The following EPHA4 variants were observed in gnomAD, a reference collection of about 807,000 sequenced individuals.
EPHA4 encodes the protein EPH receptor A4.
In EPHA4, 19 loss-of-function variants were observed where a neutral mutation model predicts 108.3. That is an observed-to-expected ratio of 0.18 (90% CI 0.12 to 0.26). The LOEUF is 0.26. Among genes scored for constraint, EPHA4 ranks in the 10% least tolerant of loss-of-function variants. The probability of loss-of-function intolerance (pLI) is 1.00; values close to 1 mark genes in which losing one functional copy is unlikely to be tolerated. For missense variants in EPHA4, 917 were observed against 1,254.0 expected (o/e 0.73, Z 4.06); for synonymous variants, 449 against 455.5 (o/e 0.99, Z 0.18).
At chr2:221,450,225 A>G (rs377450408) in intron 8 of EPHA4, among the ~76,000 whole-genome samples, 1 of 152,246 alleles carries the variant, frequency 6.6e-6, no homozygotes, top group South Asian at 2.1e-4. Context: ...CCTGGCCAAC[A>G]TGGTGAAACC....
chr2:221,430,025 C>T lies in EPHA4; in HGVS notation c.2623G>A (p.Val875Ile). 1.2e-6 allele frequency: 2 copies of T among 1,614,098 alleles called. No homozygotes were observed. The highest frequency in any genetic ancestry group is 1.7e-6 in the Non-Finnish European group (2 of 1,180,016). ...RSDRPKFGQI[V>I]NMLDKLIRNP... ...CGGATGAGTTTGTCCAACATGTTGA[C>T]AATCTGCCCAAATTTAGGCCTGTCG... The change falls in exon 15 of 18, where the codon GTC (valine) becomes ATC (isoleucine). Residue 875 changes from valine to isoleucine, a missense_variant. Coordinates refer to ENST00000281821, the MANE Select transcript of EPHA4 (RefSeq NM_004438.5).
rs1689632510 is a variant in EPHA4, at chr2:221,418,056, T to A, written c.*3316A>T. The A allele has an allele frequency of 6.5e-6, 1 of 152,686 alleles. No homozygotes were observed. The highest frequency in any genetic ancestry group is 1.9e-4 in the East Asian group (1 of 5,200). The allele number at this position is 152,686 out of a possible 1,614,324, so 9.5% of individuals were successfully genotyped here. A position where few individuals can be genotyped will look rare whatever the true frequency, so the allele number is the denominator to read the frequency against. On this transcript the variant is annotated 3_prime_UTR_variant, in exon 18 of 18. Coordinates refer to ENST00000281821, the MANE Select transcript of EPHA4 (RefSeq NM_004438.5). The stretch of plus-strand genomic sequence containing the variant: ...AGGGTTGTATACGGCAACTACTTTA[T>A]TATTTTCAAATGCAAACTCTTTGCA...
At chr2:221,428,538 C>T (rs1010154536) in intron 15 of EPHA4, among the ~76,000 whole-genome samples, 2 of 152,074 alleles carry the variant, frequency 1.3e-5, no homozygotes, top group Non-Finnish European at 2.9e-5. Context: ...AGAAGAAGTA[C>T]CAAACACCAA....
At chr2:221,470,797 C>T (rs1691459481) in intron 5 of EPHA4, among the ~76,000 whole-genome samples, 1 of 152,062 alleles carries the variant, frequency 6.6e-6, no homozygotes, top group South Asian at 2.1e-4. Flanking sequence ...CACAAATGGT[C>T]ACCACATGCT....
chr2:221,467,376 G>A (rs911119157), intron 5 of EPHA4, among the ~76,000 whole-genome samples: 3 of 152,102 alleles, frequency 2.0e-5, no homozygotes, highest in Non-Finnish European at 4.4e-5. Flanking sequence ...ACAAATGTTA[G>A]GAGTATTAAA....
At chr2:221,503,720 T>G (rs1692547221) in intron 3 of EPHA4, among the ~76,000 whole-genome samples, 2 of 152,228 alleles carry the variant, frequency 1.3e-5, no homozygotes, top group African/African-American at 4.8e-5. Context: ...TACAAAATTG[T>G]CATTGTGCTA....
intron 14 of EPHA4, among the ~76,000 whole-genome samples, chr2:221,432,818 A>ATTTTTT (rs34200694): frequency 1.1e-4 from 10 of 89,094 alleles, no homozygotes; most frequent in Non-Finnish European, 1.5e-4. Flanking sequence ...AAATCTTTGT[A>ATTTTTT]TTTTTTTTTT....
At chr2:221,454,059 A>G (rs1403130567) in intron 8 of EPHA4, among the ~76,000 whole-genome samples, 1 of 152,080 alleles carries the variant, frequency 6.6e-6, no homozygotes, top group African/African-American at 2.4e-5. Context: ...GTGTGCCTGT[A>G]ATCCCAGCTA....
chr2:221,566,727 G>A (rs1694640308), intron 2 of EPHA4, among the ~76,000 whole-genome samples: 1 of 150,616 alleles, frequency 6.6e-6, no homozygotes, highest in South Asian at 2.1e-4. Context: ...ACCAAGATAA[G>A]TTTTGTGTCT....
intron 3 of EPHA4, among the ~76,000 whole-genome samples, chr2:221,501,639 C>G (rs1177695348): frequency 6.6e-6 from 1 of 152,164 alleles, no homozygotes. Flanking sequence ...GTTCTGCCCT[C>G]AAAGCCTGTA....
rs1308099274 is a variant in EPHA4, at chr2:221,430,097, T to C, written c.2551A>G (p.Ile851Val). The C allele has an allele frequency of 1.2e-6, 2 of 1,613,394 alleles. No individual in the cohort carries two copies. The highest frequency in any genetic ancestry group is 8.5e-7 in the Non-Finnish European group (1 of 1,179,958). ...YRLPPPMDCP[I>V]ALHQLMLDCW... ...TCTAGCATCAGCTGGTGGAGCGCAA[T>C]GGGGCAGTCCATTGGAGGGGGTAAC... Residue 851 changes from isoleucine (I) to valine (V), a missense_variant, in exon 15 of 18, where the codon ATT becomes GTT. Transcript: ENST00000281821.
chr2:221,573,775 C>G (rs1694923768), upstream of EPHA4: 1 of 152,348 alleles, frequency 6.6e-6, no homozygotes, highest in African/African-American at 2.4e-5. This position sits in a 1 kb window ranked among gnomAD's most constrained non-coding sequence, Gnocchi z 4.5. Flanking sequence ...TCCGCAACCC[C>G]GCAGAGAGGT....
rs111292228 is a variant in EPHA4 at position 221,522,776 on chromosome 2, T to A, written c.824-21604A>T. On this transcript the variant is annotated intron_variant, in intron 3 of 17. Coordinates refer to ENST00000281821, the MANE Select transcript of EPHA4 (RefSeq NM_004438.5). ...TATTATTATTATTATTATTATTATT[T>A]TTTTGAGACGGAGTCTCCCTCAGTT... Among the ~76,000 whole-genome samples, 183 of 132,374 alleles carry A rather than the reference T, an allele frequency of 1.4e-3. 2 individuals are homozygous for A. Among genetic ancestry groups the A allele is most frequent in the South Asian group, 7.6e-3 (32 of 4,238 alleles). 86.8% of individuals were successfully genotyped at this position (132,374 alleles called of 152,430 possible).
intron 9 of EPHA4, among the ~76,000 whole-genome samples, chr2:221,445,382 G>A (rs1013862956): frequency 6.6e-6 from 1 of 151,996 alleles, no homozygotes; most frequent in African/African-American, 2.4e-5. Flanking sequence ...GAGGTCAGGA[G>A]ATGGAGACCA....
At chr2:221,512,850 A>C (rs1692868858) in intron 3 of EPHA4, among the ~76,000 whole-genome samples, 1 of 152,214 alleles carries the variant, frequency 6.6e-6, no homozygotes, top group Non-Finnish European at 1.5e-5. Flanking sequence ...ACTAAGAGCT[A>C]AAAGGCTGGG....
chr2:221,449,209 T>C (rs1440342415), intron 8 of EPHA4, among the ~76,000 whole-genome samples: 3 of 152,198 alleles, frequency 2.0e-5, no homozygotes, highest in African/African-American at 4.8e-5. Flanking sequence ...CAAAAATGCC[T>C]GTGTCCTGTT....
At chr2:221,511,448 A>T (rs961109976) in intron 3 of EPHA4, among the ~76,000 whole-genome samples, 8 of 125,334 alleles carry the variant, frequency 6.4e-5, no homozygotes, top group Non-Finnish European at 1.3e-4. Flanking sequence ...CCTGTAACCA[A>T]TCCAGCTGTT....
At chr2:221,533,204 AC>A (rs1693570327) in intron 3 of EPHA4, among the ~76,000 whole-genome samples, 1 of 152,310 alleles carries the variant, frequency 6.6e-6, no homozygotes, top group South Asian at 2.1e-4. Context: ...ATTATAATAA[AC>A]CCAGTATGTA....
chr2:221,514,100 G>A (rs751968034), intron 3 of EPHA4, among the ~76,000 whole-genome samples: 67 of 150,710 alleles, frequency 4.4e-4, no homozygotes, highest in Non-Finnish European at 5.6e-4. Context: ...GGGGGAGGGG[G>A]TTTGAAAATC....
Sources: gnomAD v4.1 joint callset for allele counts (sites outside exome capture counted in the v4.1 genomes callset) on GRCh38, gnomAD v4.1.1 for gene constraint, Gnocchi (gnomAD v3.1) non-coding constraint, MANE v1.5 for transcripts, NCBI Gene and HGNC (gene_info 2026-07-23, HGNC 2026-07-21) for gene names.